Variants in ARB2A observed in about 807,000 individuals in gnomAD.
ARB2A encodes the protein ARB2 cotranscriptional regulator A.
At chr5:94,037,613 G>C in the ARB2A span, among the ~76,000 whole-genome samples, 7 of 152,064 alleles carry the variant, frequency 4.6e-5, no homozygotes, top group South Asian at 1.5e-3. Flanking sequence ...TTTTATAACA[G>C]AGGCTTGCAA....
At chr5:93,640,005 C>T in the ARB2A span, among the ~76,000 whole-genome samples, 6 of 140,820 alleles carry the variant, frequency 4.3e-5, no homozygotes, top group African/African-American at 1.6e-4. Flanking sequence ...TGCAGTGAGC[C>T]GAGATCGTGT....
chr5:93,647,013 T>C, the ARB2A span, among the ~76,000 whole-genome samples: 176 of 152,276 alleles, frequency 1.2e-3, no homozygotes, highest in African/African-American at 4.0e-3. Context: ...TCTGAACTAC[T>C]TGATAGTAAG....
chr5:94,098,609 GA>G, the ARB2A span, among the ~76,000 whole-genome samples: 1 of 151,978 alleles, frequency 6.6e-6, no homozygotes, highest in Non-Finnish European at 1.5e-5. Flanking sequence ...CCCAAAGCTA[GA>G]AGACAAGCAA....
At chr5:94,099,447 A>T in the ARB2A span, among the ~76,000 whole-genome samples, 2 of 150,600 alleles carry the variant, frequency 1.3e-5, no homozygotes, top group African/African-American at 4.9e-5. Flanking sequence ...ACACGGAGAA[A>T]CCCCGCCTCT....
chr5:93,768,423 C>A, the ARB2A span, among the ~76,000 whole-genome samples: 1 of 150,950 alleles, frequency 6.6e-6, no homozygotes, highest in African/African-American at 2.4e-5. Context: ...AAGTGGGAAA[C>A]CAGTCACCTG....
the ARB2A span, among the ~76,000 whole-genome samples, chr5:93,982,795 C>T: frequency 6.7e-3 from 1,024 of 152,294 alleles, 13 homozygotes; most frequent in African/African-American, 0.023. Flanking sequence ...TGGCTCATGC[C>T]GGTAATCCCA....
At chr5:93,811,624 CCTAA>C in the ARB2A span, among the ~76,000 whole-genome samples, 2 of 152,022 alleles carry the variant, frequency 1.3e-5, no homozygotes, top group African/African-American at 2.4e-5. Flanking sequence ...AAAACAAAAA[CCTAA>C]CTGTTACAAA....
chr5:93,793,663 G>C, the ARB2A span, among the ~76,000 whole-genome samples: 1 of 152,114 alleles, frequency 6.6e-6, no homozygotes, highest in African/African-American at 2.4e-5. Flanking sequence ...GTAATGTCTG[G>C]TTTCATGTAT....
the ARB2A span, among the ~76,000 whole-genome samples, chr5:93,685,843 C>G: frequency 6.6e-6 from 1 of 152,178 alleles, no homozygotes; most frequent in South Asian, 2.1e-4. Flanking sequence ...TATTCCCAAC[C>G]CTTCTGGGGT....
chr5:93,789,222 G>A, the ARB2A span, among the ~76,000 whole-genome samples: 1 of 152,116 alleles, frequency 6.6e-6, no homozygotes. Flanking sequence ...TGAATTACTT[G>A]TACAGGAAAT....
At chr5:93,967,661 T>A in the ARB2A span, among the ~76,000 whole-genome samples, 2 of 152,198 alleles carry the variant, frequency 1.3e-5, no homozygotes, top group Non-Finnish European at 1.5e-5. Flanking sequence ...AGGTTCTCAC[T>A]ATGAAGACTA....
the ARB2A span, among the ~76,000 whole-genome samples, chr5:93,716,006 C>T: frequency 6.6e-6 from 1 of 152,114 alleles, no homozygotes; most frequent in African/African-American, 2.4e-5. Flanking sequence ...AACACATTAG[C>T]ATTTCTAAGA....
the ARB2A span, among the ~76,000 whole-genome samples, chr5:93,995,789 TA>T: frequency 1.3e-5 from 2 of 152,166 alleles, no homozygotes; most frequent in Non-Finnish European, 2.9e-5. Flanking sequence ...GACAAGAGGG[TA>T]AATCTCACGT....
chr5:94,103,716 A>G, the ARB2A span, among the ~76,000 whole-genome samples: 1 of 151,334 alleles, frequency 6.6e-6, no homozygotes, highest in African/African-American at 2.4e-5. Flanking sequence ...ACAACAGAAT[A>G]TACATTCTTC....
chr5:93,805,749 T>C, the ARB2A span: 7 of 985,212 alleles, frequency 7.1e-6, no homozygotes, highest in African/African-American at 1.7e-5. Context: ...TACCTATTTG[T>C]AGTTGCTCAT....
At chr5:93,784,551 G>T in the ARB2A span, 1 of 1,324,782 alleles carries the variant, frequency 7.5e-7, no homozygotes, top group Non-Finnish European at 1.1e-6. Flanking sequence ...TTTCCTACTG[G>T]GTGCAGCCTG....
At chr5:94,079,179 T>A in the ARB2A span, among the ~76,000 whole-genome samples, 1 of 152,222 alleles carries the variant, frequency 6.6e-6, no homozygotes, top group Non-Finnish European at 1.5e-5. Context: ...TGGACATAAG[T>A]TATACTTACA....
the ARB2A span, among the ~76,000 whole-genome samples, chr5:93,773,748 A>T: frequency 1.3e-5 from 2 of 152,038 alleles, no homozygotes; most frequent in Non-Finnish European, 2.9e-5. Context: ...CTTTTCCATG[A>T]TTACCATATG....
At chr5:93,755,825 G>A in the ARB2A span, among the ~76,000 whole-genome samples, 1 of 152,200 alleles carries the variant, frequency 6.6e-6, no homozygotes, top group South Asian at 2.1e-4. Flanking sequence ...TCCACAGGGA[G>A]AAGGAAATCT....
Sources: allele counts gnomAD v4.1 joint callset (sites outside exome capture counted in the v4.1 genomes callset), GRCh38; gene constraint gnomAD v4.1.1; transcripts MANE v1.5; gene names NCBI Gene and HGNC (gene_info 2026-07-23, HGNC 2026-07-21).